Variants in CATSPERQ observed in about 807,000 individuals in gnomAD.
CATSPERQ encodes the protein catsper channel auxiliary subunit theta.
At chr8:144,353,340 C>T in the CATSPERQ span, 1 of 1,525,570 alleles carries the variant, frequency 6.6e-7, no homozygotes, top group South Asian at 1.2e-5. Context: ...TGGGGGAGGC[C>T]CTCAGAGTCA....
At chr8:144,354,616 C>T in the CATSPERQ span, 1 of 1,527,650 alleles carries the variant, frequency 6.5e-7, no homozygotes, top group Non-Finnish European at 8.8e-7. The surrounding 1 kb of genome is among the most constrained non-coding windows in gnomAD (Gnocchi z 4.6). Context: ...CTCGCGCGCA[C>T]CGTTTGGCTC....
At chr8:144,353,751 G>C in the CATSPERQ span, 1 of 1,534,990 alleles carries the variant, frequency 6.5e-7, no homozygotes, top group Non-Finnish European at 8.7e-7. Context: ...GTGTCCTGAG[G>C]AGGGCGCGTG....
the CATSPERQ span, chr8:144,354,247 G>A: frequency 6.5e-6 from 10 of 1,541,212 alleles, no homozygotes; most frequent in South Asian, 1.1e-4. The surrounding 1 kb of genome is among the most constrained non-coding windows in gnomAD (Gnocchi z 4.6). Context: ...CTCTCTCAGG[G>A]AGCTGAAGCT....
the CATSPERQ span, chr8:144,354,350 G>A: frequency 6.5e-7 from 1 of 1,530,962 alleles, no homozygotes; most frequent in Non-Finnish European, 8.7e-7. The surrounding 1 kb of genome is among the most constrained non-coding windows in gnomAD (Gnocchi z 4.6). Flanking sequence ...GGCGCGGCGC[G>A]TGAGGACGCC....
the CATSPERQ span, chr8:144,354,535 A>G: frequency 2.8e-6 from 4 of 1,439,236 alleles, no homozygotes; most frequent in East Asian, 2.6e-5. This position sits in a 1 kb window ranked among gnomAD's most constrained non-coding sequence, Gnocchi z 4.6. Flanking sequence ...CGCCCCATTC[A>G]GGCCTCGGGC....
At chr8:144,354,200 G>T in the CATSPERQ span, 2 of 1,545,360 alleles carry the variant, frequency 1.3e-6, no homozygotes, top group African/African-American at 1.4e-5. The surrounding 1 kb of genome is among the most constrained non-coding windows in gnomAD (Gnocchi z 4.6). Context: ...GCCCTCAGGG[G>T]AGGAGGGCGG....
the CATSPERQ span, chr8:144,354,442 C>T: frequency 3.8e-6 from 5 of 1,308,474 alleles, no homozygotes; most frequent in Admixed American, 2.9e-5. The surrounding 1 kb of genome is among the most constrained non-coding windows in gnomAD (Gnocchi z 4.6). Context: ...GCGGAGGCGA[C>T]GTCTCGCCTG....
the CATSPERQ span, chr8:144,353,733 G>C: frequency 6.5e-7 from 1 of 1,530,778 alleles, no homozygotes; most frequent in Non-Finnish European, 8.7e-7. Flanking sequence ...ACAGTGATCG[G>C]TGTCATCGTG....
At chr8:144,354,188 C>T in the CATSPERQ span, 5 of 1,542,564 alleles carry the variant, frequency 3.2e-6, no homozygotes, top group Non-Finnish European at 4.3e-6. The surrounding 1 kb of genome is among the most constrained non-coding windows in gnomAD (Gnocchi z 4.6). Context: ...GGCGCGGGGC[C>T]GGCCCTCAGG....
At chr8:144,353,778 C>CTCG in the CATSPERQ span, 1 of 1,535,422 alleles carries the variant, frequency 6.5e-7, no homozygotes, top group African/African-American at 1.4e-5. Context: ...CGGGACCCAC[C>CTCG]TCGTAGTGCT....
chr8:144,353,243 T>A, the CATSPERQ span: 19 of 1,352,902 alleles, frequency 1.4e-5, no homozygotes, highest in South Asian at 2.9e-4. Context: ...TGAGGCAGCT[T>A]TATTGAAAGG....
chr8:144,354,798 G>T, the CATSPERQ span: 1 of 1,524,242 alleles, frequency 6.6e-7, no homozygotes, highest in Non-Finnish European at 8.8e-7. The surrounding 1 kb of genome is among the most constrained non-coding windows in gnomAD (Gnocchi z 4.6). Flanking sequence ...CAGCCTGGCC[G>T]CTCGTCCGCT....
the CATSPERQ span, chr8:144,354,493 G>C: frequency 5.9e-6 from 8 of 1,366,030 alleles, no homozygotes; most frequent in African/African-American, 1.2e-4. The surrounding 1 kb of genome is among the most constrained non-coding windows in gnomAD (Gnocchi z 4.6). Context: ...GCCCCACCCA[G>C]GGCCCTGGCC....
the CATSPERQ span, chr8:144,353,420 G>A: frequency 1.4e-4 from 215 of 1,535,810 alleles, 2 homozygotes; most frequent in Middle Eastern, 3.3e-4. Context: ...CAGTGCCAGC[G>A]CCAGGGGGTG....
the CATSPERQ span, chr8:144,353,452 G>C: frequency 2.6e-6 from 4 of 1,535,954 alleles, no homozygotes; most frequent in Non-Finnish European, 3.5e-6. Flanking sequence ...ACCACGTGCC[G>C]GTAGGAGGTG....
the CATSPERQ span, chr8:144,354,239 C>A: frequency 6.5e-7 from 1 of 1,542,978 alleles, no homozygotes; most frequent in Non-Finnish European, 8.7e-7. The surrounding 1 kb of genome is among the most constrained non-coding windows in gnomAD (Gnocchi z 4.6). Flanking sequence ...GCTCACACCT[C>A]TCTCAGGGAG....
the CATSPERQ span, chr8:144,354,894 C>T: frequency 7.1e-7 from 1 of 1,415,754 alleles, no homozygotes. The surrounding 1 kb of genome is among the most constrained non-coding windows in gnomAD (Gnocchi z 4.6). Context: ...CAGGAGCTCA[C>T]AGGCGACTGA....
At chr8:144,354,844 C>T in the CATSPERQ span, 6 of 1,488,142 alleles carry the variant, frequency 4.0e-6, no homozygotes, top group African/African-American at 4.2e-5. This position sits in a 1 kb window ranked among gnomAD's most constrained non-coding sequence, Gnocchi z 4.6. Context: ...ACTCCTACCT[C>T]GGTGAGCAAA....
the CATSPERQ span, chr8:144,354,555 T>TCCC: frequency 2.9e-6 from 2 of 681,606 alleles, no homozygotes; most frequent in South Asian, 1.9e-5. This position sits in a 1 kb window ranked among gnomAD's most constrained non-coding sequence, Gnocchi z 4.6. Context: ...CCCGTCTCCC[T>TCCC]CCTCCCCCGC....
Sources: allele counts gnomAD v4.1 joint callset, GRCh38; gene constraint gnomAD v4.1.1; non-coding constraint Gnocchi (gnomAD v3.1); transcripts MANE v1.5; gene names NCBI Gene and HGNC (gene_info 2026-07-23, HGNC 2026-07-21).